NAALADL2: variants seen among roughly 807,000 people sequenced by gnomAD.
The protein encoded by NAALADL2 is inactive N-acetylated-alpha-linked acidic dipeptidase-like protein 2.
In NAALADL2, 76 loss-of-function variants were observed where a neutral mutation model predicts 87.2. The ratio of observed to expected loss-of-function variants is 0.87; its 90% CI spans 0.72 to 1.05. The LOEUF (loss-of-function observed/expected upper bound fraction) is 1.05, where lower values mean the gene tolerates loss of function less well. Among genes scored for constraint, NAALADL2 ranks in the 50% least tolerant of loss-of-function variants. The probability of loss-of-function intolerance (pLI) is 0.00; values close to 1 mark genes in which losing one functional copy is unlikely to be tolerated. For missense variants in NAALADL2, 1,089 were observed against 945.8 expected (o/e 1.15, Z -1.99); for synonymous variants, 354 against 331.0 (o/e 1.07, Z -0.75).
chr3:175,702,503 A>G (rs1400883886), intron 11 of NAALADL2, among the ~76,000 whole-genome samples: 1 of 152,162 alleles, frequency 6.6e-6, no homozygotes, highest in African/African-American at 2.4e-5. Flanking sequence ...CACTGCCTAC[A>G]AAGTTACCAA....
chr3:175,375,578 A>C (rs1767035486), intron 5 of NAALADL2, among the ~76,000 whole-genome samples: 1 of 152,132 alleles, frequency 6.6e-6, no homozygotes, highest in Non-Finnish European at 1.5e-5. Flanking sequence ...AATCTCTATT[A>C]GTATTTCTTA....
intron 2 of NAALADL2, among the ~76,000 whole-genome samples, chr3:174,609,438 C>T (rs991212157): frequency 1.3e-5 from 2 of 152,050 alleles, no homozygotes; most frequent in African/African-American, 4.8e-5. Context: ...CCAAAATCTC[C>T]TTAAGCTGAT....
chr3:174,961,565 T>C (rs747122824), intron 1 of NAALADL2, among the ~76,000 whole-genome samples: 4 of 151,922 alleles, frequency 2.6e-5, no homozygotes, highest in Non-Finnish European at 5.9e-5. Flanking sequence ...GAGGAGATAG[T>C]GTAGATTTTA....
rs915294810 is a variant in NAALADL2 at position 174,755,093 on chromosome 3, G to A, written c.-9+17347G>A. On this transcript the variant is annotated intron_variant, in intron 3 of 3. Coordinates refer to the NAALADL2 transcript ENST00000434257. The stretch of plus-strand genomic sequence containing the variant: ...GTGGAGGTGATTGGATCATGGAGGC[G>A]GTTTCCCTCATGCTGTTCTCGTAAT... 4.6e-5 allele frequency among the ~76,000 whole-genome samples: 7 copies of A among 152,226 alleles called. No homozygotes were observed. In the East Asian group the frequency reaches 5.8e-4, roughly 13 times the overall value.
At chr3:175,393,316 A>AAAAAAT (rs1769319845) in intron 5 of NAALADL2, among the ~76,000 whole-genome samples, 1 of 136,344 alleles carries the variant, frequency 7.3e-6, no homozygotes, top group Non-Finnish European at 1.6e-5. Flanking sequence ...AAAAAAAAAA[A>AAAAAAT]TTGTAGAGTT....
chr3:175,218,961 G>A lies in NAALADL2; in HGVS notation c.546-14970G>A, dbSNP rs957998515. The stretch of plus-strand genomic sequence containing the variant: ...ACTGGGATTACAGGTGTGAGCCACC[G>A]TGCCCAGCCATTCATTTTATTACTG... On this transcript the variant is annotated intron_variant, in intron 2 of 13. Transcript: ENST00000454872. Among the ~76,000 whole-genome samples, 4 of 151,532 alleles carry A rather than the reference G, an allele frequency of 2.6e-5. No homozygotes were observed. In the East Asian group the frequency reaches 5.8e-4, roughly 22 times the overall value.
rs867990512 is a variant in NAALADL2, at chr3:175,317,094, T to C, written c.940-7081T>C. 6.6e-5 allele frequency among the ~76,000 whole-genome samples: 10 copies of C among 152,202 alleles called. No homozygotes were observed. The South Asian group carries it at 1.9e-3, about 28-fold the overall frequency. On this transcript the variant is annotated intron_variant, in intron 4 of 13. Coordinates refer to ENST00000454872, the MANE Select transcript of NAALADL2 (RefSeq NM_207015.3). ...ATCTCTAGCCAAAAATAGTATATGA[T>C]TACACCCTATTGCTTAATTATAGGC...
At chr3:175,469,127 G>C (rs71312329) in intron 8 of NAALADL2, among the ~76,000 whole-genome samples, 109 of 152,156 alleles carry the variant, frequency 7.2e-4, no homozygotes, top group Non-Finnish European at 1.3e-3. Flanking sequence ...TAGGTGACTA[G>C]ATGGGCAAAG....
At chr3:174,573,543 G>C (rs1396466324) in intron 2 of NAALADL2, among the ~76,000 whole-genome samples, 1 of 152,088 alleles carries the variant, frequency 6.6e-6, no homozygotes, top group Non-Finnish European at 1.5e-5. Flanking sequence ...AAGTTTATTC[G>C]ACTCATGGTT....
At chr3:175,225,808 C>T (rs1461250) in intron 2 of NAALADL2, among the ~76,000 whole-genome samples, 132,822 of 152,018 alleles carry the variant, frequency 0.87, 58,211 homozygotes, top group Middle Eastern at 0.94. Flanking sequence ...AGTCTGCTTT[C>T]AGATACCCTA....
At chr3:175,010,928 T>G (rs1579998698) in intron 1 of NAALADL2, among the ~76,000 whole-genome samples, 1 of 152,116 alleles carries the variant, frequency 6.6e-6, no homozygotes, top group African/African-American at 2.4e-5. Flanking sequence ...ACTTTCCAAA[T>G]TATGGACAAT....
At position 175,174,648 on chromosome 3, in the gene NAALADL2, C is replaced by A. The variant is rs1189508027; in HGVS notation, c.546-59283C>A. On this transcript the variant is annotated intron_variant, in intron 2 of 13. Coordinates refer to ENST00000454872, the MANE Select transcript of NAALADL2 (RefSeq NM_207015.3). ...GACATACACACATGAGTGTTATTAACCATGAAGGAAAATTAGAAAAAATAA... is the reference window on the plus strand; with the variant it reads ...GACATACACACATGAGTGTTATTAAACATGAAGGAAAATTAGAAAAAATAA... 5.3e-5 allele frequency among the ~76,000 whole-genome samples: 8 copies of A among 151,816 alleles called. No individual in the cohort carries two copies. In the East Asian group the frequency reaches 1.4e-3, roughly 26 times the overall value.
At chr3:175,532,901 A>G (rs111599143) in intron 9 of NAALADL2, among the ~76,000 whole-genome samples, 1 of 152,178 alleles carries the variant, frequency 6.6e-6, no homozygotes, top group African/African-American at 2.4e-5. Context: ...TCAAGGGTAT[A>G]TCTTCTGGAC....
At chr3:175,342,505 C>CGTGTGTGTGTGTGTGTGTGTGTGT (rs35444340) in intron 5 of NAALADL2, among the ~76,000 whole-genome samples, 4 of 146,714 alleles carry the variant, frequency 2.7e-5, no homozygotes, top group African/African-American at 9.9e-5. Context: ...CCAAATATTG[C>CGTGTGTGTGTGTGTGTGTGTGTGT]GTGTGTGTGT....
intron 2 of NAALADL2, among the ~76,000 whole-genome samples, chr3:174,656,608 T>C (rs2108767576): frequency 6.6e-6 from 1 of 152,338 alleles, no homozygotes; most frequent in South Asian, 2.1e-4. Context: ...TTGTTTAAGG[T>C]TCCAGATTAA....
chr3:175,385,140 A>G (rs1310717272), intron 5 of NAALADL2, among the ~76,000 whole-genome samples: 1 of 152,106 alleles, frequency 6.6e-6, no homozygotes, highest in Non-Finnish European at 1.5e-5. Flanking sequence ...CATCTAACTC[A>G]TACATAAATA....
intron 11 of NAALADL2, 54 bp downstream of exon 11, chr3:175,627,440 G>T: frequency 8.7e-7 from 1 of 1,152,356 alleles, no homozygotes; most frequent in South Asian, 1.4e-5. Context: ...CTTCTTTATT[G>T]GTAGATGGAG....
intron 2 of NAALADL2, among the ~76,000 whole-genome samples, chr3:174,671,756 G>A (rs1390717068): frequency 2.0e-5 from 3 of 151,980 alleles, no homozygotes; most frequent in Non-Finnish European, 4.4e-5. Context: ...TAGGAACCTG[G>A]GTTTGAAGCC....
intron 2 of NAALADL2, among the ~76,000 whole-genome samples, chr3:175,188,133 T>C (rs1737614853): frequency 1.3e-5 from 2 of 152,206 alleles, no homozygotes; most frequent in Admixed American, 6.5e-5. Flanking sequence ...TTAACTCTTT[T>C]TCTATCATGA....
Sources: gnomAD v4.1 joint callset for allele counts (sites outside exome capture counted in the v4.1 genomes callset) on GRCh38, gnomAD v4.1.1 for gene constraint, MANE v1.5 for transcripts, NCBI Gene and HGNC (gene_info 2026-07-23, HGNC 2026-07-21) for gene names.